The following KIAA1328 variants were observed in gnomAD, a reference collection of about 807,000 sequenced individuals.
KIAA1328 encodes the protein KIAA1328, also known as protein hinderin.
In KIAA1328, 52 loss-of-function variants were observed where a neutral mutation model predicts 68.1. The ratio of observed to expected loss-of-function variants is 0.76; its 90% CI spans 0.61 to 0.96. The LOEUF is 0.96. KIAA1328 is among the 40% of genes least tolerant of loss of function. The pLI is 0.00. For synonymous variants in KIAA1328, 232 were observed against 239.4 expected, an observed-to-expected ratio of 0.97 and a Z score of 0.28; for missense variants, 641 against 677.6, an observed-to-expected ratio of 0.95 and a Z score of 0.60.
chr18:37,176,652 G>A (rs2059602548), intron 9 of KIAA1328, among the ~76,000 whole-genome samples: 1 of 152,210 alleles, frequency 6.6e-6, no homozygotes, highest in Non-Finnish European at 1.5e-5. Flanking sequence ...GGAAAGAGGA[G>A]TTGAGGGGCT....
intron 5 of KIAA1328, among the ~76,000 whole-genome samples, chr18:36,954,990 T>C (rs1454652433): frequency 6.6e-6 from 1 of 151,944 alleles, no homozygotes; most frequent in Non-Finnish European, 1.5e-5. Context: ...ACTTGGCTTT[T>C]TTATCCATCC....
At chr18:36,877,663 C>CTTT (rs908999170) in intron 4 of KIAA1328, among the ~76,000 whole-genome samples, 16 of 115,992 alleles carry the variant, frequency 1.4e-4, no homozygotes, top group Non-Finnish European at 2.2e-4. Context: ...CAGTCTGTGT[C>CTTT]TTTTTTTTTT....
intron 5 of KIAA1328, among the ~76,000 whole-genome samples, chr18:36,899,089 A>G (rs2048952405): frequency 6.6e-6 from 1 of 151,936 alleles, no homozygotes; most frequent in South Asian, 2.1e-4. Flanking sequence ...TACATATTTC[A>G]TCTTTAAGTT....
chr18:37,110,722 A>G (rs1349907394), intron 7 of KIAA1328, among the ~76,000 whole-genome samples: 1 of 152,202 alleles, frequency 6.6e-6, no homozygotes, highest in Admixed American at 6.5e-5. Context: ...AGATAGATGA[A>G]AAGAAATAAT....
intron 7 of KIAA1328, chr18:37,075,658 AC>A (rs1006897850): frequency 1.3e-5 from 2 of 152,228 alleles, no homozygotes; most frequent in African/African-American, 4.8e-5. Context: ...CAAATGGAGA[AC>A]AAAAAAAGGC....
At chr18:37,158,405 T>C (rs932676272) in intron 7 of KIAA1328, among the ~76,000 whole-genome samples, 10 of 152,162 alleles carry the variant, frequency 6.6e-5, no homozygotes, top group Admixed American at 6.5e-4. Context: ...CCCCACACGC[T>C]CACTGACACT....
chr18:36,999,886 A>C (rs983789880), intron 6 of KIAA1328, among the ~76,000 whole-genome samples: 1 of 152,102 alleles, frequency 6.6e-6, no homozygotes, highest in Non-Finnish European at 1.5e-5. Context: ...AAAGAAACAA[A>C]TGATACCACC....
In KIAA1328 at chr18:37,160,327, A is replaced by C. The variant is rs140424487; in HGVS notation, c.1360A>C (p.Lys454Gln). The change falls in exon 8 of 10, where the codon AAA becomes CAA. Residue 454 changes from lysine (K) to glutamine (Q), a missense_variant. Coordinates refer to ENST00000280020, the MANE Select transcript of KIAA1328 (RefSeq NM_020776.3). ...GACAGTTGGGTTTCATTCGCATATG[A>C]AAGATGATGCCCAGTGGTCATGTCA... The part of the protein sequence containing the change: ...RKTVGFHSHM[K>Q]DDAQWSCQKK... 7.5e-3 allele frequency: 12,122 copies of C among 1,613,684 alleles called. 66 individuals are homozygous for C. The highest frequency in any genetic ancestry group is 0.017 in the Middle Eastern group (104 of 6,062).
At chr18:36,954,195 G>T (rs1475469810) in intron 5 of KIAA1328, among the ~76,000 whole-genome samples, 1 of 151,672 alleles carries the variant, frequency 6.6e-6, no homozygotes, top group East Asian at 1.9e-4. Context: ...GTAGAGACGG[G>T]GTTTCACCTT....
chr18:37,018,762 TTTTCAA>T (rs2054236925), intron 6 of KIAA1328, among the ~76,000 whole-genome samples: 1 of 149,586 alleles, frequency 6.7e-6, no homozygotes, highest in African/African-American at 2.4e-5. Context: ...TTAAGTGAGT[TTTTCAA>T]TTCCAGAGGC....
chr18:37,107,204 A>G (rs569314421), intron 7 of KIAA1328, among the ~76,000 whole-genome samples: 1 of 152,264 alleles, frequency 6.6e-6, no homozygotes, highest in South Asian at 2.1e-4. Context: ...ATGCCACTGT[A>G]CTCCAGCCTG....
chr18:37,097,559 T>C (rs1299073098), intron 7 of KIAA1328, among the ~76,000 whole-genome samples: 3 of 152,226 alleles, frequency 2.0e-5, no homozygotes, highest in Non-Finnish European at 4.4e-5. Flanking sequence ...TAATGTGGGC[T>C]CTTTTTTGGT....
In KIAA1328 at chr18:36,959,290, C is replaced by T. The variant is rs976968931; in HGVS notation, c.449-18C>T. The T allele has an allele frequency of 1.9e-6, 3 of 1,549,106 alleles. No individual in the cohort carries two copies. Among genetic ancestry groups the T allele is most frequent in the African/African-American group, 2.8e-5 (2 of 71,906 alleles). The stretch of plus-strand genomic sequence containing the variant: ...TGAATCAATTTTTCAGTTTTTTTCC[C>T]TTAATTTGCAATCTCACCTCTTCAG... On this transcript the variant is annotated intron_variant, in intron 5 of 9. Coordinates refer to ENST00000280020, the MANE Select transcript of KIAA1328 (RefSeq NM_020776.3).
chr18:36,953,184 ATATT>A (rs1189612783), intron 5 of KIAA1328, among the ~76,000 whole-genome samples: 1 of 148,602 alleles, frequency 6.7e-6, no homozygotes, highest in African/African-American at 2.4e-5. Context: ...ATAAATATAA[ATATT>A]TAATATGCAT....
chr18:37,063,733 T>A (rs1599129896), intron 6 of KIAA1328: 1 of 907,928 alleles, frequency 1.1e-6, no homozygotes, highest in Non-Finnish European at 1.3e-6. Flanking sequence ...AAAAATTTTT[T>A]AATTTATTCC....
chr18:37,084,469 GT>G (rs1301934734), intron 7 of KIAA1328: 39 of 151,902 alleles, frequency 2.6e-4, no homozygotes, highest in African/African-American at 1.1e-3. Context: ...TTTCTTTTTT[GT>G]TTTTTGTTTT....
chr18:37,043,894 C>G (rs1267958594), intron 6 of KIAA1328, among the ~76,000 whole-genome samples: 1 of 152,106 alleles, frequency 6.6e-6, no homozygotes, highest in Non-Finnish European at 1.5e-5. Flanking sequence ...TGCCAGACAC[C>G]TACCTGCCTC....
In KIAA1328 at chr18:37,101,391, T is replaced by G. The variant is rs548752277; in HGVS notation, c.1232+33846T>G. 6.8e-3 allele frequency among the ~76,000 whole-genome samples: 1,038 copies of G among 152,326 alleles called. 16 individuals carry two copies. Among genetic ancestry groups the G allele is most frequent in the African/African-American group, 0.023 (963 of 41,574 alleles). On this transcript the variant is annotated intron_variant, in intron 7 of 9. Transcript: ENST00000280020. The stretch of plus-strand genomic sequence containing the variant: ...GAATGCACAAGCCTCAGTAGCCGAT[T>G]CGATCAACTGGAAGAAAGGGTATCA...
chr18:37,067,746 G>C lies in KIAA1328; in HGVS notation c.1232+201G>C, dbSNP rs949890604. 2.0e-5 allele frequency among the ~76,000 whole-genome samples: 3 copies of C among 152,136 alleles called. No individual in the cohort carries two copies. In the East Asian group the frequency reaches 5.8e-4, roughly 30 times the overall value. ...GGCTAATTTTTGTATTTTTAGTAGA[G>C]ACGGGGTTTCACTGTCTTGGCCAGG... On this transcript the variant is annotated intron_variant, in intron 7 of 9. Coordinates refer to ENST00000280020, the MANE Select transcript of KIAA1328 (RefSeq NM_020776.3).
Sources: gnomAD v4.1 joint callset for allele counts (sites outside exome capture counted in the v4.1 genomes callset) on GRCh38, gnomAD v4.1.1 for gene constraint, MANE v1.5 for transcripts, NCBI Gene and HGNC (gene_info 2026-07-23, HGNC 2026-07-21) for gene names.